The following PRIMPOL variants were observed in gnomAD, a reference collection of about 807,000 sequenced individuals.
The protein encoded by PRIMPOL is DNA-directed primase/polymerase protein.
Under a neutral mutation model 63.6 loss-of-function variants are expected in PRIMPOL, and 54 were observed. The ratio of observed to expected loss-of-function variants is 0.85; its 90% confidence interval spans 0.68 to 1.07. PRIMPOL has a LOEUF of 1.07. Among genes scored for constraint, PRIMPOL ranks in the 50% least tolerant of loss-of-function variants. PRIMPOL has a pLI of 0.00. For synonymous variants in PRIMPOL, 197 were observed against 220.2 expected (o/e 0.89, Z 0.93); for missense variants, 610 against 648.3 (o/e 0.94, Z 0.64).
chr4:184,683,116 G>A (rs1481761433), intron 9 of PRIMPOL, among the ~76,000 whole-genome samples: 1 of 151,928 alleles, frequency 6.6e-6, no homozygotes, highest in Non-Finnish European at 1.5e-5. Flanking sequence ...AATGGAAAAA[G>A]TATGAGAAAG....
At position 184,649,753 on chromosome 4, in the gene PRIMPOL, C is replaced by T. The variant is rs779449324; in HGVS notation, c.-293C>T. The T allele has an allele frequency of 2.0e-5, 3 of 152,388 alleles. No homozygotes were observed. The highest frequency in any genetic ancestry group is 2.9e-5 in the Non-Finnish European group (2 of 68,168). The allele number at this position is 152,388 out of a possible 1,614,324, so 9.4% of individuals were successfully genotyped here. On this transcript the variant is annotated 5_prime_UTR_variant, in exon 1 of 14. Transcript: ENST00000314970. ...TGAAATCTAGGTCTTCCTGAGAGTCCGCGGGCTTCCGCTCCCAGCGCGGGA... is the reference window on the plus strand; with the variant it reads ...TGAAATCTAGGTCTTCCTGAGAGTCTGCGGGCTTCCGCTCCCAGCGCGGGA...
intron 5 of PRIMPOL, among the ~76,000 whole-genome samples, chr4:184,665,502 CTTTTTT>C (rs780043138): frequency 7.5e-6 from 1 of 133,924 alleles, no homozygotes. Context: ...GAATTAATGA[CTTTTTT>C]TTTTTTTTTT....
chr4:184,689,758 G>A (rs1356980850), intron 11 of PRIMPOL, among the ~76,000 whole-genome samples: 1 of 152,074 alleles, frequency 6.6e-6, no homozygotes, highest in Non-Finnish European at 1.5e-5. Context: ...CCGGCCTGAT[G>A]TTAATGGTGC....
intron 1 of PRIMPOL, among the ~76,000 whole-genome samples, chr4:184,651,522 G>A (rs1372838001): frequency 2.6e-5 from 4 of 152,212 alleles, no homozygotes; most frequent in African/African-American, 9.7e-5. Context: ...GGGGACTAGT[G>A]TGGTTGAACT....
chr4:184,678,668 C>T (rs1001933939), intron 8 of PRIMPOL, among the ~76,000 whole-genome samples: 1 of 151,848 alleles, frequency 6.6e-6, no homozygotes, highest in African/African-American at 2.4e-5. Flanking sequence ...GCTGGGACTA[C>T]AGGCGCCTGC....
At chr4:184,691,300 A>G (rs1758456194) in intron 11 of PRIMPOL, 199 bp from the exon 12 acceptor site, 1 of 502,164 alleles carries the variant, frequency 2.0e-6, no homozygotes, top group Non-Finnish European at 3.5e-6. Flanking sequence ...ATCAGTATCT[A>G]CTTTTTGCCC....
chr4:184,655,421 A>G (rs1746108781), intron 2 of PRIMPOL, among the ~76,000 whole-genome samples: 1 of 148,216 alleles, frequency 6.7e-6, no homozygotes, highest in African/African-American at 2.5e-5. Flanking sequence ...CTCCTGGTTC[A>G]AACTATTCTC....
In PRIMPOL at chr4:184,685,338, C is replaced by G; in HGVS notation, c.1097-71C>G. The G allele has an allele frequency of 9.6e-6, 11 of 1,151,160 alleles. No homozygotes were observed. In the South Asian group the frequency reaches 1.2e-4, roughly 13 times the overall value. The allele number at this position is 1,151,160 out of a possible 1,614,324, so 71.3% of individuals were successfully genotyped here. A position where few individuals can be genotyped will look rare whatever the true frequency, so the allele number is the denominator to read the frequency against. On this transcript the variant is annotated intron_variant, in intron 9 of 13. Coordinates refer to ENST00000314970, the MANE Select transcript of PRIMPOL (RefSeq NM_152683.4). The stretch of plus-strand genomic sequence containing the variant: ...TTGCAAAACCCGTAATTGTGCTCAA[C>G]AACATTTAATCAAAATTTAACTTCT...
Position 184,672,270 on chromosome 4 carries a change from T to G in PRIMPOL, c.654T>G (p.His218Gln), listed in dbSNP as rs933737058. Reference protein sequence around the residue: ...APETTGHGFPHFSEAPARQGF... With the variant: ...APETTGHGFPQFSEAPARQGF... ...AGACAACAGGCCATGGATTTCCCCA[T>G]TTTTCAGAAGCACCTGCAAGACAAG... Residue 218 changes from histidine (H) to glutamine (Q), a missense_variant, in exon 7 of 14, where the codon CAT (histidine) becomes CAG (glutamine). Physicochemically the swap from His to Gln is conservative, Grantham distance 24. This residue lies in a region of PRIMPOL where 444 missense variants were observed against 456.4 expected (regional missense o/e 0.97). Transcript: ENST00000314970. The G allele has an allele frequency of 6.2e-6, 10 of 1,613,956 alleles. No homozygotes were observed. The highest frequency in any genetic ancestry group is 1.7e-5 in the Admixed American group (1 of 60,008).
chr4:184,657,173 A>T lies in PRIMPOL; in HGVS notation c.33A>T (p.Gln11His), dbSNP rs148634809. The T allele has an allele frequency of 6.9e-4, 1,118 of 1,611,176 alleles. 5 individuals carry two copies. In the African/African-American group the frequency reaches 0.011, roughly 16 times the overall value. MNRKWEAKLK[Q>H]IEERASHYER... is the part of the protein sequence containing the mutation. Reference sequence around the variant, plus strand: ...GAAAATGGGAAGCAAAACTGAAGCAAATTGAAGAACGAGCATCTCATTATG... The same window carrying T: ...GAAAATGGGAAGCAAAACTGAAGCATATTGAAGAACGAGCATCTCATTATG... The change falls in exon 3 of 14, where the codon CAA (glutamine) becomes CAT (histidine). Residue 11 changes from glutamine (Q) to histidine (H), a missense_variant. By Grantham distance (24) the Gln-to-His change is conservative (BLOSUM62 0). This residue lies in a region of PRIMPOL where 159 missense variants were observed against 168.9 expected (regional missense o/e 0.94). Coordinates refer to ENST00000314970, the MANE Select transcript of PRIMPOL (RefSeq NM_152683.4).
At chr4:184,662,846 T>G (rs1187660734) in intron 5 of PRIMPOL, among the ~76,000 whole-genome samples, 1 of 151,682 alleles carries the variant, frequency 6.6e-6, no homozygotes, top group Admixed American at 6.6e-5. Flanking sequence ...AAAAAATATA[T>G]AGAATGTTAG....
chr4:184,691,896 CCTT>C (rs1346151975), intron 13 of PRIMPOL, among the ~76,000 whole-genome samples, 184 bp downstream of exon 13: 82 of 56,422 alleles, frequency 1.5e-3, no homozygotes, highest in African/African-American at 6.0e-3. Context: ...ATAATACAAA[CCTT>C]TTTTTTTTTT....
chr4:184,657,941 C>T (rs1040917779), intron 3 of PRIMPOL, among the ~76,000 whole-genome samples: 2 of 151,732 alleles, frequency 1.3e-5, no homozygotes, highest in African/African-American at 2.4e-5. Flanking sequence ...TGCTGTGAGC[C>T]GAGATCGCGC....
intron 3 of PRIMPOL, among the ~76,000 whole-genome samples, chr4:184,658,857 G>A (rs1206507672): frequency 2.0e-5 from 3 of 149,584 alleles, no homozygotes; most frequent in Admixed American, 1.3e-4. Context: ...GCAGTGAGTC[G>A]AGATCACGCC....
At chr4:184,655,228 T>C (rs1329821839) in intron 2 of PRIMPOL, among the ~76,000 whole-genome samples, 1 of 151,902 alleles carries the variant, frequency 6.6e-6, no homozygotes, top group African/African-American at 2.4e-5. Flanking sequence ...CAGGCTGGTC[T>C]CGAACTCCTG....
At chr4:184,654,809 C>T (rs1296482105) in intron 2 of PRIMPOL, among the ~76,000 whole-genome samples, 1 of 152,076 alleles carries the variant, frequency 6.6e-6, no homozygotes, top group Non-Finnish European at 1.5e-5. Context: ...GATATTTTCC[C>T]TAAGCATACC....
chr4:184,675,273 A>C (rs1752987549), intron 7 of PRIMPOL, among the ~76,000 whole-genome samples: 1 of 152,206 alleles, frequency 6.6e-6, no homozygotes, highest in Non-Finnish European at 1.5e-5. Context: ...CCAACTGCAA[A>C]TGGCATCATG....
intron 1 of PRIMPOL, among the ~76,000 whole-genome samples, chr4:184,650,622 C>T (rs12507711): frequency 0.14 from 21,016 of 152,236 alleles, 1,553 homozygotes; most frequent in African/African-American, 0.17. Flanking sequence ...ACTGCCCTAC[C>T]GATCCCCTTC....
chr4:184,690,679 CTTTA>C (rs1175094690), intron 11 of PRIMPOL, among the ~76,000 whole-genome samples: 1 of 152,124 alleles, frequency 6.6e-6, no homozygotes, highest in Non-Finnish European at 1.5e-5. Flanking sequence ...AGGCTGGTCT[CTTTA>C]TTCAGTTCGT....
Sources: gnomAD v4.1 joint callset for allele counts (sites outside exome capture counted in the v4.1 genomes callset) on GRCh38, gnomAD v4.1.1 for gene constraint, gnomAD v4.1.1 regional missense constraint, MANE v1.5 for transcripts, NCBI Gene and HGNC (gene_info 2026-07-23, HGNC 2026-07-21) for gene names.